The following CDH13 variants were observed in gnomAD, a reference collection of about 807,000 sequenced individuals.
The protein encoded by CDH13 is cadherin 13.
CDH13 carries 24 observed loss-of-function variants against 63.8 expected under a neutral mutation model. The observed-to-expected ratio is 0.38, with a 90% confidence interval of 0.27 to 0.53. CDH13 has a LOEUF of 0.53. Among genes scored for constraint, CDH13 ranks in the 20% least tolerant of loss-of-function variants. CDH13 has a pLI of 0.85. For synonymous variants in CDH13, 503 were observed against 355.3 expected, an observed-to-expected ratio of 1.42 and a Z score of -4.67; for missense variants, 1,049 against 903.1, an observed-to-expected ratio of 1.16 and a Z score of -2.07.
At chr16:83,034,326 C>T (rs1324442811) in intron 3 of CDH13, among the ~76,000 whole-genome samples, 2 of 152,188 alleles carry the variant, frequency 1.3e-5, no homozygotes, top group Admixed American at 1.3e-4. Flanking sequence ...TTCACAATTC[C>T]CCTTCAGCAT....
At chr16:83,057,198 C>T (rs1286256892) in intron 3 of CDH13, among the ~76,000 whole-genome samples, 1 of 152,148 alleles carries the variant, frequency 6.6e-6, no homozygotes, top group African/African-American at 2.4e-5. Flanking sequence ...ATCTCCTGAC[C>T]TCGTGATCCA....
At chr16:83,466,981 T>C (rs1325524474) in intron 6 of CDH13, among the ~76,000 whole-genome samples, 1 of 152,172 alleles carries the variant, frequency 6.6e-6, no homozygotes, top group East Asian at 1.9e-4. Context: ...CCTGATAGTC[T>C]CTGCTTTATG....
intron 6 of CDH13, among the ~76,000 whole-genome samples, chr16:83,443,738 A>ATATATATATATATATATATAT (rs2072568428): frequency 7.0e-5 from 1 of 14,302 alleles, no homozygotes; most frequent in South Asian, 3.9e-3. Context: ...AAAAAAAAAT[A>ATATATATATATATATATATAT]TATATATATA....
rs191442319 is a variant in CDH13 at position 83,164,386 on chromosome 16, C to T, written c.483+38885C>T. On this transcript the variant is annotated intron_variant, in intron 4 of 13. Transcript: ENST00000567109. ...ACACATGGTGGAGTTAGGTCACAAT[C>T]CACGTCCCTCTGACTCTTGAAGGAA... 1.4e-3 allele frequency among the ~76,000 whole-genome samples: 211 copies of T among 152,068 alleles called. 1 individual carries two copies. Among genetic ancestry groups the T allele is most frequent in the African/African-American group, 4.9e-3 (205 of 41,526 alleles).
At chr16:83,297,298 T>C (rs939843342) in intron 5 of CDH13, among the ~76,000 whole-genome samples, 1 of 152,184 alleles carries the variant, frequency 6.6e-6, no homozygotes, top group Admixed American at 6.5e-5. Context: ...CTGGATTTGA[T>C]CATTATACAA....
At chr16:82,853,994 G>T (rs1244214981) in intron 1 of CDH13, among the ~76,000 whole-genome samples, 1 of 152,140 alleles carries the variant, frequency 6.6e-6, no homozygotes, top group East Asian at 1.9e-4. Flanking sequence ...AGCAATGAGG[G>T]GTGCTGCTTT....
intron 1 of CDH13, among the ~76,000 whole-genome samples, chr16:82,799,594 AGTTT>A (rs1352341925): frequency 6.6e-6 from 1 of 152,220 alleles, no homozygotes; most frequent in African/African-American, 2.4e-5. Flanking sequence ...ACTTAGTATT[AGTTT>A]ATTTAGACCC....
At chr16:83,016,550 C>A (rs1236615493) in intron 2 of CDH13, among the ~76,000 whole-genome samples, 1 of 152,154 alleles carries the variant, frequency 6.6e-6, no homozygotes, top group Non-Finnish European at 1.5e-5. Context: ...TGGAAGCTGG[C>A]CTTCTGCAGT....
At chr16:83,125,282 C>T (rs2035760729) in intron 3 of CDH13, 103 bp from the exon 4 acceptor site, 1 of 676,818 alleles carries the variant, frequency 1.5e-6, no homozygotes, top group East Asian at 2.7e-5. Flanking sequence ...GAACACTTTC[C>T]AAACAGCTGT....
chr16:83,652,124 C>G (rs914906626), intron 8 of CDH13, among the ~76,000 whole-genome samples: 4 of 152,330 alleles, frequency 2.6e-5, no homozygotes, highest in Middle Eastern at 3.4e-3. Flanking sequence ...ATGCGACGTG[C>G]TCATGGGAAT....
intron 1 of CDH13, among the ~76,000 whole-genome samples, chr16:82,641,929 T>C (rs1909450743): frequency 6.6e-6 from 1 of 151,374 alleles, no homozygotes; most frequent in Non-Finnish European, 1.5e-5. Context: ...GGCGAGGGGG[T>C]AGATAGCGAC....
chr16:83,054,092 A>T (rs1022245247), intron 3 of CDH13, among the ~76,000 whole-genome samples: 1 of 152,198 alleles, frequency 6.6e-6, no homozygotes, highest in African/African-American at 2.4e-5. Context: ...ATAGCCTAGG[A>T]ACAATAGGCT....
intron 4 of CDH13, among the ~76,000 whole-genome samples, chr16:83,136,202 G>T (rs1219938232): frequency 6.6e-6 from 1 of 151,308 alleles, no homozygotes; most frequent in Non-Finnish European, 1.5e-5. Context: ...AATAGACTTT[G>T]TCTGGGCACG....
intron 6 of CDH13, among the ~76,000 whole-genome samples, chr16:83,357,523 G>T (rs2091079201): frequency 6.6e-6 from 1 of 152,178 alleles, no homozygotes; most frequent in South Asian, 2.1e-4. Flanking sequence ...TGCTGGCAGA[G>T]TCGTGTTTGC....
intron 5 of CDH13, among the ~76,000 whole-genome samples, chr16:83,240,935 C>T (rs1904383459): frequency 6.6e-6 from 1 of 151,868 alleles, no homozygotes; most frequent in African/African-American, 2.4e-5. Flanking sequence ...ATCTCCAGGA[C>T]CTCTTCATCT....
chr16:83,151,321 A>G (rs1268603687), intron 4 of CDH13, among the ~76,000 whole-genome samples: 2 of 152,180 alleles, frequency 1.3e-5, no homozygotes, highest in African/African-American at 4.8e-5. Flanking sequence ...ACTGTACCTC[A>G]CACCTAATGA....
chr16:82,935,665 C>T (rs948777182), intron 2 of CDH13, among the ~76,000 whole-genome samples: 3 of 152,124 alleles, frequency 2.0e-5, no homozygotes, highest in Non-Finnish European at 4.4e-5. Context: ...GGGCTATGGA[C>T]CACAGCAGGA....
intron 2 of CDH13, among the ~76,000 whole-genome samples, chr16:82,943,755 C>A (rs1389926976): frequency 1.3e-5 from 2 of 152,218 alleles, no homozygotes; most frequent in Non-Finnish European, 2.9e-5. Flanking sequence ...CTGCTGCAAT[C>A]AATTACACAG....
At chr16:83,038,082 C>G (rs754912168) in intron 3 of CDH13, among the ~76,000 whole-genome samples, 1 of 152,086 alleles carries the variant, frequency 6.6e-6, no homozygotes, top group African/African-American at 2.4e-5. Flanking sequence ...TAGGTGGGAC[C>G]GCCAGCCTAA....
Sources: gnomAD v4.1 joint callset for allele counts (sites outside exome capture counted in the v4.1 genomes callset) on GRCh38, gnomAD v4.1.1 for gene constraint, MANE v1.5 for transcripts, NCBI Gene and HGNC (gene_info 2026-07-23, HGNC 2026-07-21) for gene names.